The following FMN2 variants were observed in gnomAD, a reference collection of about 807,000 sequenced individuals.
FMN2 encodes formin-2.
A neutral mutation model predicts 142.3 loss-of-function variants in FMN2; 51 were observed. The ratio of observed to expected loss-of-function variants is 0.36; its 90% CI spans 0.29 to 0.45. The LOEUF is 0.45. Among genes scored for constraint, FMN2 ranks in the 20% least tolerant of loss-of-function variants. FMN2 has a pLI of 1.00. For missense variants in FMN2, 1,936 were observed against 2,122.8 expected, an observed-to-expected ratio of 0.91 and a Z score of 1.73; for synonymous variants, 882 against 869.8, an observed-to-expected ratio of 1.01 and a Z score of -0.25.
chr1:240,370,057 G>A (rs575696423), intron 14 of FMN2, among the ~76,000 whole-genome samples: 1 of 152,030 alleles, frequency 6.6e-6, no homozygotes, highest in Non-Finnish European at 1.5e-5. Context: ...TATGTCGGAC[G>A]ATTTGAGGCC....
At chr1:240,395,099 G>C (rs189815547) in intron 15 of FMN2, among the ~76,000 whole-genome samples, 8 of 152,242 alleles carry the variant, frequency 5.3e-5, no homozygotes, top group Admixed American at 5.2e-4. Flanking sequence ...GAAAATGCTA[G>C]GGCCCATAGG....
At chr1:240,465,780 T>C (rs1386126481) in intron 16 of FMN2, among the ~76,000 whole-genome samples, 3 of 152,358 alleles carry the variant, frequency 2.0e-5, no homozygotes, top group African/African-American at 7.2e-5. Context: ...GTTTCCCTGA[T>C]AAGACTGTGG....
At chr1:240,168,358 T>G (rs1325346742) in intron 2 of FMN2, among the ~76,000 whole-genome samples, 1 of 151,874 alleles carries the variant, frequency 6.6e-6, no homozygotes, top group East Asian at 1.9e-4. Context: ...GAGGCTGAGG[T>G]GGAGGATCAC....
chr1:240,412,199 C>G (rs967937713), intron 15 of FMN2, among the ~76,000 whole-genome samples: 2 of 152,104 alleles, frequency 1.3e-5, no homozygotes. Context: ...CAGAAAAGCT[C>G]AAGAATAATT....
chr1:240,174,549 A>G (rs938763448), intron 2 of FMN2, among the ~76,000 whole-genome samples: 1 of 152,120 alleles, frequency 6.6e-6, no homozygotes, highest in Non-Finnish European at 1.5e-5. Flanking sequence ...AATATTCTGT[A>G]GAGGTGGGGT....
intron 1 of FMN2, among the ~76,000 whole-genome samples, chr1:240,113,786 T>C (rs1477061046): frequency 6.6e-6 from 1 of 152,120 alleles, no homozygotes; most frequent in Non-Finnish European, 1.5e-5. Context: ...TTCAGTATAG[T>C]CCAGCTGGAG....
rs1178435627 is a variant in FMN2 at position 240,092,264 on chromosome 1, G to T, written c.155G>T (p.Gly52Val). Residue 52 changes from glycine (G) to valine (V), a missense_variant, in exon 1 of 18, where the codon GGA becomes GTA. Physicochemically the swap from Gly to Val is moderately radical, Grantham distance 109 (BLOSUM62 -3). Around this residue, in one of 8 missense-constraint regions of FMN2, gnomAD observed 751 missense variants for 791.8 expected, o/e 0.95. Transcript: ENST00000319653. ...KKALGKHGKGGGGGGGGGESG... is the reference protein window; with the variant it reads ...KKALGKHGKGVGGGGGGGESG... ...GCGCTAGGCAAGCACGGCAAGGGGGGAGGGGGCGGCGGCGGCGGCGGGGAG... is the reference window on the plus strand; with the variant it reads ...GCGCTAGGCAAGCACGGCAAGGGGGTAGGGGGCGGCGGCGGCGGCGGGGAG... The T allele has an allele frequency of 1.3e-6, 2 of 1,493,748 alleles. No individual in the cohort carries two copies. Among genetic ancestry groups the T allele is most frequent in the Non-Finnish European group, 8.9e-7 (1 of 1,123,760 alleles). 92.5% of individuals were successfully genotyped at this position (1,493,748 alleles called of 1,614,324 possible).
At chr1:240,200,802 T>C (rs1666094143) in intron 4 of FMN2, among the ~76,000 whole-genome samples, 1 of 152,164 alleles carries the variant, frequency 6.6e-6, no homozygotes, top group African/African-American at 2.4e-5. Flanking sequence ...CCAACTCTTT[T>C]TCCATGTTCT....
chr1:240,434,807 C>T (rs148487599), intron 15 of FMN2, among the ~76,000 whole-genome samples: 1,783 of 149,902 alleles, frequency 0.012, 10 homozygotes, highest in Non-Finnish European at 0.019. Flanking sequence ...CTCCTGACCT[C>T]GTGATCCGCT....
Position 240,093,699 on chromosome 1 carries a change from G to A in FMN2, c.1590G>A (p.Ala530=), listed in dbSNP as rs1661097086. Residue 530 remains alanine, a synonymous_variant, in exon 1 of 18, where the codon GCG becomes GCA. Transcript: ENST00000319653. ...AGGCGTCTGGGGCCCCCGCGGCTGC[G>A]GATGGCTTCCAGAACGTGTTCACAG... ...AAKASGAPAA[A]DGFQNVFTGR... is the part of the protein sequence containing the mutation. 3 of 1,369,902 alleles carry A rather than the reference G, an allele frequency of 2.2e-6. No homozygotes were observed. The highest frequency in any genetic ancestry group is 2.8e-6 in the Non-Finnish European group (3 of 1,068,670). 84.9% of individuals were successfully genotyped at this position (1,369,902 alleles called of 1,614,324 possible).
At chr1:240,190,715 G>A (rs894263895) in intron 4 of FMN2, among the ~76,000 whole-genome samples, 5 of 152,056 alleles carry the variant, frequency 3.3e-5, no homozygotes, top group African/African-American at 7.2e-5. Context: ...GTAATCACCC[G>A]ATGCCAAAAT....
chr1:240,373,036 G>A, intron 14 of FMN2, among the ~76,000 whole-genome samples: 1 of 152,052 alleles, frequency 6.6e-6, no homozygotes, highest in Non-Finnish European at 1.5e-5. Context: ...AACACAAAAA[G>A]TAGCGCGCGT....
intron 1 of FMN2, among the ~76,000 whole-genome samples, chr1:240,099,074 A>G (rs1309367247): frequency 6.6e-6 from 1 of 152,180 alleles, no homozygotes; most frequent in East Asian, 1.9e-4. Context: ...ATAATTTCAA[A>G]TTAATACTAT....
At chr1:240,267,918 C>T (rs1668873068) in intron 7 of FMN2, among the ~76,000 whole-genome samples, 2 of 152,080 alleles carry the variant, frequency 1.3e-5, no homozygotes, top group Admixed American at 6.6e-5. Flanking sequence ...AAATGTTCTA[C>T]ACCACTAATC....
intron 14 of FMN2, among the ~76,000 whole-genome samples, chr1:240,390,439 T>C (rs979510910): frequency 6.6e-6 from 1 of 152,214 alleles, no homozygotes; most frequent in Non-Finnish European, 1.5e-5. Context: ...AACAGCTGTT[T>C]CGGTGAACAT....
At chr1:240,172,627 T>C (rs1377349571) in intron 2 of FMN2, among the ~76,000 whole-genome samples, 1 of 152,168 alleles carries the variant, frequency 6.6e-6, no homozygotes, top group African/African-American at 2.4e-5. Flanking sequence ...ATGAGAATAT[T>C]GAGGCTCCAA....
chr1:240,370,956 GAGA>G (rs1672845883), intron 14 of FMN2, among the ~76,000 whole-genome samples: 2 of 152,026 alleles, frequency 1.3e-5, no homozygotes, highest in Non-Finnish European at 2.9e-5. Flanking sequence ...TTATTTTTGG[GAGA>G]AGGAGTCCTT....
At chr1:240,196,231 G>A (rs1190060267) in intron 4 of FMN2, among the ~76,000 whole-genome samples, 1 of 152,176 alleles carries the variant, frequency 6.6e-6, no homozygotes, top group Non-Finnish European at 1.5e-5. Flanking sequence ...TAGAATGATA[G>A]GAAGAGGGAG....
chr1:240,172,824 T>G (rs1664762279), intron 2 of FMN2, among the ~76,000 whole-genome samples: 1 of 152,172 alleles, frequency 6.6e-6, no homozygotes, highest in Non-Finnish European at 1.5e-5. Flanking sequence ...ATGAAGAAAA[T>G]GAGATTAGCA....
Sources: gnomAD v4.1 joint callset for allele counts (sites outside exome capture counted in the v4.1 genomes callset) on GRCh38, gnomAD v4.1.1 for gene constraint, gnomAD v4.1.1 regional missense constraint, MANE v1.5 for transcripts, NCBI Gene and HGNC (gene_info 2026-07-23, HGNC 2026-07-21) for gene names.